Variants in LRP1B observed in about 807,000 individuals in gnomAD.
LRP1B encodes low-density lipoprotein receptor-related protein 1B.
LRP1B carries 217 observed loss-of-function variants against 556.6 expected under a neutral mutation model. The ratio of observed to expected loss-of-function variants is 0.39; its 90% confidence interval spans 0.35 to 0.44. The LOEUF is 0.44. Among genes scored for constraint, LRP1B ranks in the 20% least tolerant of loss-of-function variants. The pLI, the probability that LRP1B is intolerant of heterozygous loss-of-function variation, is 1.00. For missense variants in LRP1B, 5,053 were observed against 5,620.8 expected (o/e 0.90, Z 3.23); for synonymous variants, 2,047 against 1,865.8 (o/e 1.10, Z -2.50).
At chr2:141,716,971 G>C (rs985445431) in intron 2 of LRP1B, among the ~76,000 whole-genome samples, 7 of 278 alleles carry the variant, frequency 0.025, no homozygotes, top group African/African-American at 0.034. Flanking sequence ...TGATCCACAG[G>C]GGGGGGTCGC....
intron 1 of LRP1B, among the ~76,000 whole-genome samples, chr2:141,958,414 G>T (rs957659030): frequency 2.0e-5 from 3 of 151,994 alleles, no homozygotes; most frequent in South Asian, 4.1e-4. Context: ...AAGACTTTGG[G>T]TTTTTTGCCT....
intron 1 of LRP1B, among the ~76,000 whole-genome samples, chr2:142,036,390 T>C (rs1703878584): frequency 6.6e-6 from 1 of 151,744 alleles, no homozygotes; most frequent in Non-Finnish European, 1.5e-5. Context: ...TGAAGAATTA[T>C]ATATCTGTTT....
chr2:141,282,264 A>C (rs1456227646), intron 3 of LRP1B, among the ~76,000 whole-genome samples: 6 of 152,018 alleles, frequency 3.9e-5, no homozygotes, highest in Admixed American at 3.9e-4. Flanking sequence ...ATATAAATAA[A>C]ACACTAGTCT....
intron 84 of LRP1B, among the ~76,000 whole-genome samples, chr2:140,280,590 A>G (rs1682874463): frequency 6.6e-6 from 1 of 151,830 alleles, no homozygotes; most frequent in Admixed American, 6.6e-5. Context: ...TCAGAAATGC[A>G]TGATGGGACA....
intron 7 of LRP1B, among the ~76,000 whole-genome samples, chr2:141,065,260 A>G (rs1699448301): frequency 6.6e-6 from 1 of 151,906 alleles, no homozygotes; most frequent in African/African-American, 2.4e-5. Flanking sequence ...CTATTCCTAA[A>G]CACTTCAGCA....
At chr2:141,449,962 C>T (rs914864626) in intron 3 of LRP1B, among the ~76,000 whole-genome samples, 1 of 152,184 alleles carries the variant, frequency 6.6e-6, no homozygotes, top group Non-Finnish European at 1.5e-5. Context: ...TCAAAAATAT[C>T]TCTAGACATT....
intron 35 of LRP1B, among the ~76,000 whole-genome samples, chr2:140,724,302 C>T (rs1295224290): frequency 6.6e-6 from 1 of 151,972 alleles, no homozygotes; most frequent in Non-Finnish European, 1.5e-5. Context: ...CTGGGCAACA[C>T]AGCAATACTT....
chr2:140,858,351 A>G (rs1036867417), intron 27 of LRP1B, among the ~76,000 whole-genome samples: 1 of 151,958 alleles, frequency 6.6e-6, no homozygotes, highest in Non-Finnish European at 1.5e-5. Flanking sequence ...AAATATATGA[A>G]ATAAAGAGAT....
At chr2:140,763,009 T>C (rs1688979207) in intron 35 of LRP1B, among the ~76,000 whole-genome samples, 1 of 152,066 alleles carries the variant, frequency 6.6e-6, no homozygotes, top group African/African-American at 2.4e-5. Flanking sequence ...TAGGGTTGGG[T>C]TTCTGGAAAT....
chr2:140,336,193 T>C (rs999770587), intron 77 of LRP1B, among the ~76,000 whole-genome samples: 4 of 151,992 alleles, frequency 2.6e-5, no homozygotes, highest in African/African-American at 9.7e-5. Flanking sequence ...GCGTAAAATG[T>C]AACAAAGAAT....
intron 7 of LRP1B, among the ~76,000 whole-genome samples, chr2:141,136,852 A>G (rs1488484839): frequency 6.6e-6 from 1 of 151,918 alleles, no homozygotes; most frequent in Non-Finnish European, 1.5e-5. Flanking sequence ...AGAGAAGTAC[A>G]TGACATGAAG....
intron 1 of LRP1B, among the ~76,000 whole-genome samples, chr2:141,940,318 A>G (rs1558974865): frequency 6.6e-6 from 1 of 152,186 alleles, no homozygotes; most frequent in African/African-American, 2.4e-5. Context: ...TTATTAAAAA[A>G]GAAATATTTT....
chr2:141,248,941 C>T (rs1271878057), intron 4 of LRP1B, among the ~76,000 whole-genome samples: 2 of 151,994 alleles, frequency 1.3e-5, no homozygotes, highest in African/African-American at 2.4e-5. Context: ...GTAGAATAGA[C>T]AACATTTGAA....
At chr2:141,929,635 TATC>T (rs1700431380) in intron 1 of LRP1B, among the ~76,000 whole-genome samples, 1 of 152,108 alleles carries the variant, frequency 6.6e-6, no homozygotes, top group Admixed American at 6.6e-5. Flanking sequence ...AAACTTTCAC[TATC>T]ATTTTTATTT....
At chr2:141,693,375 A>G (rs1439622312) in intron 2 of LRP1B, among the ~76,000 whole-genome samples, 1 of 152,058 alleles carries the variant, frequency 6.6e-6, no homozygotes, top group African/African-American at 2.4e-5. Context: ...GTAAGATTAA[A>G]TTGTAGCTTA....
chr2:142,067,953 C>A (rs1342781306), intron 1 of LRP1B, among the ~76,000 whole-genome samples: 1 of 151,430 alleles, frequency 6.6e-6, no homozygotes, highest in African/African-American at 2.4e-5. Flanking sequence ...AATCTTTGCT[C>A]CTAATATGGT....
At chr2:140,624,635 A>G (rs1683588928) in intron 41 of LRP1B, among the ~76,000 whole-genome samples, 1 of 152,160 alleles carries the variant, frequency 6.6e-6, no homozygotes, top group Admixed American at 6.6e-5. Flanking sequence ...GTGAGTTATA[A>G]TATGATTGCA....
At chr2:141,607,011 T>C (rs1687938004) in intron 2 of LRP1B, among the ~76,000 whole-genome samples, 1 of 152,108 alleles carries the variant, frequency 6.6e-6, no homozygotes, top group African/African-American at 2.4e-5. Context: ...CTTTCTTGTT[T>C]TTCTTCCAAC....
At chr2:141,141,194 T>A (rs1304608429) in intron 7 of LRP1B, among the ~76,000 whole-genome samples, 1 of 152,228 alleles carries the variant, frequency 6.6e-6, no homozygotes, top group East Asian at 1.9e-4. Flanking sequence ...ATAGTAAACT[T>A]TGTTATGGTT....
Sources: allele counts gnomAD v4.1 joint callset (sites outside exome capture counted in the v4.1 genomes callset), GRCh38; gene constraint gnomAD v4.1.1; transcripts MANE v1.5; gene names NCBI Gene and HGNC (gene_info 2026-07-23, HGNC 2026-07-21).